The following TENM2 variants were observed in gnomAD, a reference collection of about 807,000 sequenced individuals.
The protein encoded by TENM2 is teneurin-2.
In TENM2, 52 loss-of-function variants were observed where a neutral mutation model predicts 245.2. The ratio of observed to expected loss-of-function variants is 0.21; its 90% CI spans 0.17 to 0.27. The LOEUF (loss-of-function observed/expected upper bound fraction) is 0.27, where lower values mean the gene tolerates loss of function less well. Among genes scored for constraint, TENM2 ranks in the 10% least tolerant of loss-of-function variants. The pLI, the probability that TENM2 is intolerant of heterozygous loss-of-function variation, is 1.00. For missense variants in TENM2, 3,046 were observed against 3,666.8 expected (o/e 0.83, Z 4.37); for synonymous variants, 1,363 against 1,438.9 (o/e 0.95, Z 1.19).
intron 3 of TENM2, among the ~76,000 whole-genome samples, chr5:167,894,969 GGAA>G (rs1561906672): frequency 1.5e-5 from 2 of 133,142 alleles, no homozygotes; most frequent in Admixed American, 7.7e-5. Context: ...AAGGAAGGAA[GGAA>G]GGAAGGAAGG....
the TENM2 span, among the ~76,000 whole-genome samples, chr5:167,232,473 A>G: frequency 6.6e-6 from 1 of 151,986 alleles, no homozygotes; most frequent in Non-Finnish European, 1.5e-5. Context: ...CCCAGGTTCA[A>G]GCAATTCTCC....
intron 23 of TENM2, among the ~76,000 whole-genome samples, chr5:168,225,761 C>CAAA (rs567948197): frequency 1.8e-5 from 1 of 57,108 alleles, no homozygotes; most frequent in African/African-American, 5.4e-5. Flanking sequence ...TCCATCATCT[C>CAAA]AAAAAAAAAA....
the TENM2 span, among the ~76,000 whole-genome samples, chr5:167,038,762 A>T: frequency 6.6e-6 from 1 of 152,152 alleles, no homozygotes; most frequent in South Asian, 2.1e-4. Context: ...CTTTGCTTTT[A>T]GAGATTATTA....
intron 2 of TENM2, among the ~76,000 whole-genome samples, chr5:167,479,059 T>A (rs189597387): frequency 1.3e-5 from 2 of 152,056 alleles, no homozygotes; most frequent in African/African-American, 4.8e-5. Flanking sequence ...GACAGTGATA[T>A]CAGTTTGGAA....
intron 3 of TENM2, among the ~76,000 whole-genome samples, chr5:167,902,469 G>A (rs981786607): frequency 3.3e-5 from 5 of 152,008 alleles, no homozygotes; most frequent in African/African-American, 7.2e-5. Context: ...CAGCCTCCTC[G>A]GCCCCTAGCT....
At chr5:167,673,680 G>T (rs1756115361) in intron 2 of TENM2, among the ~76,000 whole-genome samples, 1 of 151,858 alleles carries the variant, frequency 6.6e-6, no homozygotes. Context: ...CAGAAAAGGG[G>T]GTCAAGTTTA....
At chr5:168,190,359 C>T (rs1423185607) in exon 14 of TENM2, 3 of 1,613,644 alleles carry the variant, frequency 1.9e-6, no homozygotes, top group African/African-American at 1.3e-5. Context: ...ATTGTTTGGA[C>T]CCTGACTGCT....
In TENM2 at chr5:168,133,094, A is replaced by C. The variant is rs151094596; in HGVS notation, c.2422+6128A>C. Among the ~76,000 whole-genome samples the C allele has an allele frequency of 1.1e-3, 169 of 152,336 alleles. 1 individual carries two copies. The highest frequency in any genetic ancestry group is 0.01 in the East Asian group (52 of 5,186). ...CCGACCTCAATTTCTCCATGTGGCAAATGAAAGGGTTGGATCACATCATTG... is the reference window on the plus strand; with the variant it reads ...CCGACCTCAATTTCTCCATGTGGCACATGAAAGGGTTGGATCACATCATTG... On this transcript the variant is annotated intron_variant, in intron 12 of 28. Coordinates refer to ENST00000518659, the Ensembl canonical transcript of TENM2.
intron 2 of TENM2, among the ~76,000 whole-genome samples, chr5:167,444,510 C>G: frequency 6.6e-6 from 1 of 152,104 alleles, no homozygotes; most frequent in Non-Finnish European, 1.5e-5. Flanking sequence ...AATAATCACA[C>G]CTGAAACAAA....
the TENM2 span, among the ~76,000 whole-genome samples, chr5:167,038,345 C>T: frequency 1.3e-5 from 2 of 152,098 alleles, no homozygotes; most frequent in Non-Finnish European, 2.9e-5. Context: ...GAAACCAGGG[C>T]AACAGAGCTG....
At chr5:167,168,624 T>C in the TENM2 span, among the ~76,000 whole-genome samples, 1 of 152,248 alleles carries the variant, frequency 6.6e-6, no homozygotes, top group Non-Finnish European at 1.5e-5. Context: ...TTCCCAGACT[T>C]ATTTTACAGT....
At chr5:168,243,215 C>G (rs945623299) in intron 25 of TENM2, among the ~76,000 whole-genome samples, 1 of 152,224 alleles carries the variant, frequency 6.6e-6, no homozygotes, top group Non-Finnish European at 1.5e-5. Flanking sequence ...TCAGGGCTAG[C>G]TGAATCTCAG....
chr5:167,705,993 T>TATATATATATATA (rs1561690712), intron 2 of TENM2, among the ~76,000 whole-genome samples: 1 of 66,498 alleles, frequency 1.5e-5, no homozygotes, highest in Non-Finnish European at 2.4e-5. Context: ...ATATATATAT[T>TATATATATATATA]TATTTATTTA....
chr5:167,827,686 T>G (rs1281911131), intron 2 of TENM2, among the ~76,000 whole-genome samples: 1 of 145,890 alleles, frequency 6.9e-6, no homozygotes, highest in Admixed American at 7.0e-5. Context: ...TATTTAAAAC[T>G]TCTTACCTGA....
Position 167,802,019 on chromosome 5 carries a change from T to C in TENM2, c.503-73967T>C, listed in dbSNP as rs543982349. Among the ~76,000 whole-genome samples the C allele has an allele frequency of 6.1e-4, 93 of 152,256 alleles. 1 individual carries two copies. Among genetic ancestry groups the C allele is most frequent in the Non-Finnish European group, 1.2e-3 (80 of 68,014 alleles). ...GCGTGCTGGCAGGTTTAGTATCTGA[T>C]GAAGGCTCATTCCCCGTAGATGGCA... is the stretch of plus-strand genomic sequence containing the variant. On this transcript the variant is annotated intron_variant, in intron 2 of 28. Transcript: ENST00000518659.
intron 3 of TENM2, among the ~76,000 whole-genome samples, chr5:167,884,204 A>G (rs535518841): frequency 6.6e-6 from 1 of 152,370 alleles, no homozygotes; most frequent in East Asian, 1.9e-4. Flanking sequence ...ATTGGGTTTG[A>G]GAGTACTTGT....
intron 3 of TENM2, among the ~76,000 whole-genome samples, chr5:167,916,907 C>A (rs975955722): frequency 6.6e-6 from 1 of 152,110 alleles, no homozygotes; most frequent in East Asian, 1.9e-4. Context: ...GTTGCCCTCA[C>A]GTGGTTTTGG....
At chr5:168,112,615 G>GGC (rs201538328) in intron 9 of TENM2, among the ~76,000 whole-genome samples, 1 of 112,836 alleles carries the variant, frequency 8.9e-6, no homozygotes, top group African/African-American at 3.4e-5. Context: ...GCGGGGGGGG[G>GGC]GTCAAACTTT....
chr5:168,253,069 C>G (rs892056491), intron 27 of TENM2, among the ~76,000 whole-genome samples: 3 of 151,492 alleles, frequency 2.0e-5, no homozygotes, highest in Admixed American at 6.6e-5. Flanking sequence ...CGGGTTCAAG[C>G]GATTCTCCTG....
Sources: gnomAD v4.1 joint callset for allele counts (sites outside exome capture counted in the v4.1 genomes callset) on GRCh38, gnomAD v4.1.1 for gene constraint, MANE v1.5 for transcripts, NCBI Gene and HGNC (gene_info 2026-07-23, HGNC 2026-07-21) for gene names.